SFTPC: variants seen among roughly 807,000 people sequenced by gnomAD.
SFTPC encodes surfactant protein C.
In SFTPC, 12 loss-of-function variants were observed where a neutral mutation model predicts 19.9. That is an observed-to-expected ratio of 0.60 (90% CI 0.39 to 0.98). SFTPC has a LOEUF of 0.98. Ranked by LOEUF, SFTPC falls within the 50% of genes least tolerant of loss-of-function variation. The probability of loss-of-function intolerance (pLI) is 0.00; values close to 1 mark genes in which losing one functional copy is unlikely to be tolerated. For missense variants in SFTPC, 219 were observed against 252.2 expected, an observed-to-expected ratio of 0.87 and a Z score of 0.89; for synonymous variants, 123 against 103.3, an observed-to-expected ratio of 1.19 and a Z score of -1.16.
chr8:22,163,041 G>C (rs569169044), intron 2 of SFTPC, 39 bp from the exon 3 acceptor site: 1 of 1,613,112 alleles, frequency 6.2e-7, no homozygotes, highest in Non-Finnish European at 8.5e-7. Context: ...GGCTGAGTAG[G>C]AAAGGGGAAG....
At chr8:22,162,844 G>A (rs1202097099) in intron 2 of SFTPC, 112 bp downstream of exon 2, 11 of 1,453,494 alleles carry the variant, frequency 7.6e-6, no homozygotes, top group African/African-American at 1.4e-5. Context: ...GAGGCAAGGG[G>A]CACAGCTAGA....
rs773682315 is a variant in SFTPC, at chr8:22,162,624, G to A, written c.93G>A (p.Val31=). The part of the protein sequence containing the change: ...RGRFGIPCCP[V]HLKRLLIVVV... The stretch of plus-strand genomic sequence containing the variant: ...GATTTGGCATTCCCTGCTGCCCAGT[G>A]CACCTGAAACGCCTTCTTATCGTGG... Residue 31 remains valine (V), a synonymous_variant, in exon 2 of 6, where the codon GTG becomes GTA. Coordinates refer to ENST00000679463, the MANE Select transcript of SFTPC (RefSeq NM_001317778.2). 17 of 1,614,218 alleles carry A rather than the reference G, an allele frequency of 1.1e-5. No homozygotes were observed. The South Asian group carries it at 1.8e-4, about 17-fold the overall frequency.
At chr8:22,160,804 A>G (rs1586416582), upstream of SFTPC, among the ~76,000 whole-genome samples, 1 of 152,216 alleles carries the variant, frequency 6.6e-6, no homozygotes. Context: ...TCGTAAATAC[A>G]TAGAGATGGC....
At position 22,161,805 on chromosome 8, in the gene SFTPC, G is replaced by T. The variant is rs1431188430; in HGVS notation, c.-24G>T. ...TGGTCACACCTGGGAGAGGAGGAGA[G>T]GAGAGCATAGCACCTGCAGCAAGAT... On this transcript the variant is annotated 5_prime_UTR_variant, in exon 1 of 6. It adds an upstream start codon to the 5' untranslated region. Coordinates refer to ENST00000679463, the MANE Select transcript of SFTPC (RefSeq NM_001317778.2). The T allele has an allele frequency of 1.2e-6, 2 of 1,614,060 alleles. No homozygotes were observed. The highest frequency in any genetic ancestry group is 1.3e-5 in the African/African-American group (1 of 75,060).
chr8:22,162,741 T>G lies in SFTPC; in HGVS notation c.201+9T>G, dbSNP rs1586420305. Reference sequence around the variant, plus strand: ...AGAAACACACGGAGATGGTGAGAGGTGTGGGATGCACAGCAGTGGGCACAG... The same window carrying G: ...AGAAACACACGGAGATGGTGAGAGGGGTGGGATGCACAGCAGTGGGCACAG... On this transcript the variant is annotated intron_variant, in intron 2 of 5. Transcript: ENST00000679463. The G allele has an allele frequency of 1.2e-6, 2 of 1,613,568 alleles. No homozygotes were observed. Among genetic ancestry groups the G allele is most frequent in the Admixed American group, 1.7e-5 (1 of 59,990 alleles).
rs1014653401 is a variant in SFTPC, at chr8:22,164,270, A to T, written c.*23A>T. ...CAACATTCCTTTGCTTCACAGGGTC[A>T]GTGGAAGCCCCAACGGGAAAGGAAA... On this transcript the variant is annotated 3_prime_UTR_variant, in exon 6 of 6. Coordinates refer to ENST00000679463, the MANE Select transcript of SFTPC (RefSeq NM_001317778.2). 295 of 1,536,054 alleles carry T rather than the reference A, an allele frequency of 1.9e-4. No homozygotes were observed. Among genetic ancestry groups the T allele is most frequent in the Non-Finnish European group, 2.5e-4 (285 of 1,146,886 alleles).
upstream of SFTPC, among the ~76,000 whole-genome samples, chr8:22,160,592 T>C (rs1407978201): frequency 6.6e-6 from 1 of 152,050 alleles, no homozygotes; most frequent in Non-Finnish European, 1.5e-5. Flanking sequence ...GCCTGGGTGA[T>C]AAAGTGAGAC....
At position 22,164,467 on chromosome 8, in the gene SFTPC, A is replaced by G; in HGVS notation, c.*220A>G. ...TGCCACAACAGAATAAAGCAGCCTG[A>G]TTGAAAAGCAAAGGGTCTGCTTCTG... On this transcript the variant is annotated 3_prime_UTR_variant, in exon 6 of 6. Coordinates refer to ENST00000679463, the MANE Select transcript of SFTPC (RefSeq NM_001317778.2). The G allele has an allele frequency of 6.9e-7, 1 of 1,454,378 alleles. No individual in the cohort carries two copies. The highest frequency in any genetic ancestry group is 9.0e-7 in the Non-Finnish European group (1 of 1,110,308). 90.1% of individuals were successfully genotyped at this position (1,454,378 alleles called of 1,614,324 possible). A position where few individuals can be genotyped will look rare whatever the true frequency, so the allele number is the denominator to read the frequency against.
chr8:22,159,950 T>A (rs1827649522), upstream of SFTPC: 5 of 759,356 alleles, frequency 6.6e-6, no homozygotes, highest in Non-Finnish European at 9.6e-6. Flanking sequence ...AGGCGAGCTG[T>A]CTCCCACATC....
chr8:22,159,424 G>A, upstream of SFTPC: 2 of 297,792 alleles, frequency 6.7e-6, no homozygotes, highest in Non-Finnish European at 1.3e-5. Context: ...TAGGGGGAGG[G>A]GGAAATTTGG....
intron 1 of SFTPC, 105 bp downstream of exon 1, chr8:22,161,975 C>G: frequency 8.6e-7 from 1 of 1,156,568 alleles, no homozygotes; most frequent in Non-Finnish European, 1.3e-6. Flanking sequence ...CAGATCCATT[C>G]ACTCAACTAA....
rs200665803 is a variant in SFTPC at position 22,161,798 on chromosome 8, G to A, written c.-31G>A. The A allele has an allele frequency of 1.2e-6, 2 of 1,614,076 alleles. No homozygotes were observed. Among genetic ancestry groups the A allele is most frequent in the East Asian group, 2.2e-5 (1 of 44,874 alleles). ...AAGACCCTGGTCACACCTGGGAGAG[G>A]AGGAGAGGAGAGCATAGCACCTGCA... On this transcript the variant is annotated 5_prime_UTR_variant, in exon 1 of 6. Transcript: ENST00000679463.
upstream of SFTPC, among the ~76,000 whole-genome samples, chr8:22,158,246 C>T (rs1350641308): frequency 6.6e-6 from 1 of 152,258 alleles, no homozygotes; most frequent in Non-Finnish European, 1.5e-5. Context: ...AAGTTGTGTT[C>T]TCCCAGCCAG....
rs75518353 is a variant in SFTPC at position 22,164,283 on chromosome 8, A to G, written c.*36A>G. ...CTTCACAGGGTCAGTGGAAGCCCCA[A>G]CGGGAAAGGAAACGCCCCGGGCAAA... On this transcript the variant is annotated 3_prime_UTR_variant, in exon 6 of 6. Coordinates refer to ENST00000679463, the MANE Select transcript of SFTPC (RefSeq NM_001317778.2). 3,116 of 1,536,190 alleles carry G rather than the reference A, an allele frequency of 2.0e-3. 51 individuals carry two copies. The African/African-American group carries it at 0.036, about 18-fold the overall frequency.
At chr8:22,160,769 C>G (rs910856225), upstream of SFTPC, among the ~76,000 whole-genome samples, 1 of 152,154 alleles carries the variant, frequency 6.6e-6, no homozygotes, top group African/African-American at 2.4e-5. Context: ...GGTGAGCCAG[C>G]CCAAAGTCAT....
At chr8:22,163,339 A>G in intron 3 of SFTPC, 97 bp from the exon 4 acceptor site, 1 of 1,504,436 alleles carries the variant, frequency 6.6e-7, no homozygotes, top group Non-Finnish European at 9.2e-7. Context: ...TTCTAGTATG[A>G]CTCCCGTGCC....
rs373519586 is a variant in SFTPC at position 22,163,858 on chromosome 8, T to C, written c.436-43T>C. ...CCCACAATAAGGGCTGCACATGGGA[T>C]AGAAACTCACTTCCTACATTCCAGA... On this transcript the variant is annotated intron_variant, in intron 4 of 5. Coordinates refer to ENST00000679463, the MANE Select transcript of SFTPC (RefSeq NM_001317778.2). 9.0e-6 allele frequency: 14 copies of C among 1,555,974 alleles called. No individual in the cohort carries two copies. The African/African-American group carries it at 1.4e-4, about 15-fold the overall frequency.
intron 5 of SFTPC, 60 bp downstream of exon 5, chr8:22,164,119 G>A: frequency 6.2e-7 from 1 of 1,603,856 alleles, no homozygotes; most frequent in Admixed American, 1.7e-5. Flanking sequence ...TGCCCGGGCT[G>A]TGGAGGAGCG....
At chr8:22,161,724 C>T (rs1827726311), upstream of SFTPC, 1 of 1,611,468 alleles carries the variant, frequency 6.2e-7, no homozygotes. Context: ...GGCTGGCACA[C>T]AGGGGGCTTG....
Sources: allele counts gnomAD v4.1 joint callset (sites outside exome capture counted in the v4.1 genomes callset), GRCh38; gene constraint gnomAD v4.1.1; transcripts MANE v1.5; gene names NCBI Gene and HGNC (gene_info 2026-07-23, HGNC 2026-07-21).